MBNL1: variants seen among roughly 807,000 people sequenced by gnomAD.
MBNL1 encodes muscleblind like splicing regulator 1.
Under a neutral mutation model 42.2 loss-of-function variants are expected in MBNL1, and 8 were observed. The ratio of observed to expected loss-of-function variants is 0.19; its 90% CI spans 0.11 to 0.34. The LOEUF (loss-of-function observed/expected upper bound fraction) is 0.34, where lower values mean the gene tolerates loss of function less well. Ranked by LOEUF, MBNL1 falls within the 10% of genes least tolerant of loss-of-function variation. The pLI is 1.00. For synonymous variants in MBNL1, 169 were observed against 173.9 expected, an observed-to-expected ratio of 0.97 and a Z score of 0.22; for missense variants, 309 against 495.3, an observed-to-expected ratio of 0.62 and a Z score of 3.57.
At chr3:152,419,708 T>A (rs1367521091) in intron 3 of MBNL1, among the ~76,000 whole-genome samples, 2 of 151,768 alleles carry the variant, frequency 1.3e-5, no homozygotes, top group East Asian at 3.9e-4. Context: ...TTTGTTTGTT[T>A]GTTTGTTTGT....
At chr3:152,335,307 TG>T (rs1470295119) in intron 2 of MBNL1, 1 of 1,253,124 alleles carries the variant, frequency 8.0e-7, no homozygotes, top group Non-Finnish European at 1.0e-6. Flanking sequence ...AGGCCTGAGA[TG>T]ACATCCATGG....
At chr3:152,460,025 G>A (rs549308683) in intron 9 of MBNL1, among the ~76,000 whole-genome samples, 5 of 152,170 alleles carry the variant, frequency 3.3e-5, no homozygotes, top group South Asian at 4.2e-4. Context: ...AGGCCAAGGT[G>A]GGTGGATTGC....
chr3:152,388,591 C>T (rs2097545917), intron 2 of MBNL1, among the ~76,000 whole-genome samples: 1 of 152,174 alleles, frequency 6.6e-6, no homozygotes, highest in Non-Finnish European at 1.5e-5. Flanking sequence ...CTTTACCTAC[C>T]TAGGTCCAAT....
intron 8 of MBNL1, chr3:152,458,109 G>A (rs1737370288): frequency 6.2e-7 from 1 of 1,611,806 alleles, no homozygotes; most frequent in Non-Finnish European, 8.5e-7. Flanking sequence ...GGTGTTGAAG[G>A]TCCTTGGTAT....
chr3:152,447,139 A>C (rs905067803), intron 5 of MBNL1, among the ~76,000 whole-genome samples: 5 of 152,342 alleles, frequency 3.3e-5, no homozygotes, highest in Admixed American at 2.0e-4. Flanking sequence ...TTAAGGAAAA[A>C]AACTTGCATG....
intron 3 of MBNL1, among the ~76,000 whole-genome samples, chr3:152,422,709 T>C (rs917399147): frequency 1.3e-5 from 2 of 152,082 alleles, no homozygotes; most frequent in African/African-American, 4.8e-5. Flanking sequence ...AGTAAAACAC[T>C]CCTCAAAAGG....
intron 2 of MBNL1, among the ~76,000 whole-genome samples, chr3:152,403,686 C>T (rs1051118909): frequency 6.6e-6 from 1 of 152,180 alleles, no homozygotes; most frequent in East Asian, 1.9e-4. Context: ...GAGACAGGCT[C>T]AGATAACCTG....
chr3:152,349,493 T>C (rs1203306833), intron 2 of MBNL1, among the ~76,000 whole-genome samples: 1 of 152,136 alleles, frequency 6.6e-6, no homozygotes, highest in Non-Finnish European at 1.5e-5. Flanking sequence ...TTGAACAGAT[T>C]ATTGAAATGC....
chr3:152,313,056 C>A (rs1052041208), intron 2 of MBNL1, among the ~76,000 whole-genome samples: 30 of 151,908 alleles, frequency 2.0e-4, no homozygotes, highest in Admixed American at 1.8e-3. Context: ...GGAGTCTCGC[C>A]CTTTCACCCA....
intron 2 of MBNL1, among the ~76,000 whole-genome samples, chr3:152,365,147 T>G (rs1048298759): frequency 6.6e-6 from 1 of 152,134 alleles, no homozygotes; most frequent in Non-Finnish European, 1.5e-5. Flanking sequence ...CATATCTTTA[T>G]TGAATTTAAC....
At chr3:152,415,927 G>A (rs1579965319) in intron 3 of MBNL1, among the ~76,000 whole-genome samples, 1 of 152,156 alleles carries the variant, frequency 6.6e-6, no homozygotes, top group Admixed American at 6.5e-5. Context: ...TGAAAAAGGT[G>A]CTTTGACGTT....
Position 152,464,021 on chromosome 3 carries a change from C to G in MBNL1, c.*1655C>G, listed in dbSNP as rs1417020771. ...AGATTATTACATTACGGGTTGGAAC[C>G]CATACCAATGTAATTTCAATCGTGT... On this transcript the variant is annotated 3_prime_UTR_variant, in exon 10 of 10. Transcript: ENST00000324210. 4 of 152,486 alleles carry G rather than the reference C, an allele frequency of 2.6e-5. No individual in the cohort carries two copies. The highest frequency in any genetic ancestry group is 5.9e-5 in the Non-Finnish European group (4 of 67,958). The allele number at this position is 152,486 out of a possible 1,614,324, so 9.4% of individuals were successfully genotyped here.
At chr3:152,407,853 AT>A (rs147603327) in intron 2 of MBNL1, among the ~76,000 whole-genome samples, 2,255 of 152,240 alleles carry the variant, frequency 0.015, 51 homozygotes, top group African/African-American at 0.051. Context: ...GCTGGAAGGC[AT>A]TTTCCTCAGC....
At chr3:152,289,525 A>G (rs2054589358) in intron 1 of MBNL1, among the ~76,000 whole-genome samples, 1 of 152,054 alleles carries the variant, frequency 6.6e-6, no homozygotes, top group African/African-American at 2.4e-5. Flanking sequence ...CTGGGTCTTG[A>G]GTCAGTGTTA....
At chr3:152,340,876 G>C in intron 2 of MBNL1, 3 of 1,612,978 alleles carry the variant, frequency 1.9e-6, no homozygotes, top group Non-Finnish European at 2.5e-6. Context: ...CCAGTATAAA[G>C]GCACCTGTGG....
intron 2 of MBNL1, among the ~76,000 whole-genome samples, chr3:152,318,017 G>T (rs2073323593): frequency 6.6e-6 from 1 of 152,186 alleles, no homozygotes; most frequent in Admixed American, 6.5e-5. Flanking sequence ...AAGTACTGTT[G>T]CTTTAGAACT....
intron 2 of MBNL1, among the ~76,000 whole-genome samples, chr3:152,350,554 A>G (rs1386791458): frequency 6.6e-6 from 1 of 152,142 alleles, no homozygotes; most frequent in African/African-American, 2.4e-5. Context: ...CACTAAGGGA[A>G]GGGGCAGCCG....
At chr3:152,428,443 T>G (rs1436210297) in intron 3 of MBNL1, among the ~76,000 whole-genome samples, 1 of 152,090 alleles carries the variant, frequency 6.6e-6, no homozygotes, top group East Asian at 1.9e-4. Flanking sequence ...AAAAACCCCT[T>G]TATAGTTAGA....
intron 2 of MBNL1, among the ~76,000 whole-genome samples, chr3:152,399,021 T>C (rs955101596): frequency 1.3e-5 from 2 of 152,214 alleles, no homozygotes; most frequent in African/African-American, 4.8e-5. Context: ...GAACTCTTTA[T>C]CTGAATGTCT....
Sources: allele counts gnomAD v4.1 joint callset (sites outside exome capture counted in the v4.1 genomes callset), GRCh38; gene constraint gnomAD v4.1.1; transcripts MANE v1.5; gene names NCBI Gene and HGNC (gene_info 2026-07-23, HGNC 2026-07-21).